MPHOSPH9: variants seen among roughly 807,000 people sequenced by gnomAD.
MPHOSPH9 encodes M-phase phosphoprotein 9.
A neutral mutation model predicts 145.5 loss-of-function variants in MPHOSPH9; 88 were observed. The observed-to-expected ratio is 0.60, with a 90% CI of 0.51 to 0.72. The LOEUF (loss-of-function observed/expected upper bound fraction) is 0.72. MPHOSPH9 is among the 30% of genes least tolerant of loss of function. MPHOSPH9 has a pLI of 0.00. For missense variants in MPHOSPH9, 1,238 were observed against 1,386.6 expected, an observed-to-expected ratio of 0.89 and a Z score of 1.70; for synonymous variants, 435 against 486.2, an observed-to-expected ratio of 0.89 and a Z score of 1.39.
Position 123,193,482 on chromosome 12 carries a change from C to T in MPHOSPH9, c.2241+904G>A, listed in dbSNP as rs530861777. ...TCATGTATTGTAATATCCTGAAAAA[C>T]GATGTTAAGAAAAATTTAGAAGCCA... On this transcript the variant is annotated intron_variant, in intron 13 of 23. Transcript: ENST00000606320. 1.3e-4 allele frequency among the ~76,000 whole-genome samples: 20 copies of T among 151,982 alleles called. No homozygotes were observed. The South Asian group carries it at 1.5e-3, about 11-fold the overall frequency.
chr12:123,189,076 C>A (rs929561769), intron 13 of MPHOSPH9, among the ~76,000 whole-genome samples: 7 of 152,216 alleles, frequency 4.6e-5, no homozygotes, highest in African/African-American at 1.7e-4. Flanking sequence ...GTACAGTTTC[C>A]AAGGCAAGGT....
At chr12:123,174,693 C>T (rs1163014699) in intron 16 of MPHOSPH9, among the ~76,000 whole-genome samples, 1 of 151,938 alleles carries the variant, frequency 6.6e-6, no homozygotes, top group African/African-American at 2.4e-5. Context: ...TTTATCATAC[C>T]ATCCTAAAAC....
chr12:123,164,891 T>G (rs1042568601), intron 18 of MPHOSPH9, among the ~76,000 whole-genome samples: 16 of 151,818 alleles, frequency 1.1e-4, no homozygotes, highest in African/African-American at 3.4e-4. Flanking sequence ...CACCTGTAAT[T>G]CTAGGTACTT....
chr12:123,205,405 G>C (rs1366541342), intron 8 of MPHOSPH9, among the ~76,000 whole-genome samples: 1 of 152,168 alleles, frequency 6.6e-6, no homozygotes, highest in East Asian at 1.9e-4. Flanking sequence ...AATTAGCCGG[G>C]TGTGGTGGTG....
chr12:123,219,800 C>T (rs2047121920), intron 5 of MPHOSPH9, among the ~76,000 whole-genome samples: 1 of 152,102 alleles, frequency 6.6e-6, no homozygotes, highest in Non-Finnish European at 1.5e-5. Flanking sequence ...TTAAGGATTA[C>T]TTGTTTTACA....
intron 3 of MPHOSPH9, 84 bp from the exon 4 acceptor site, chr12:123,223,211 CT>C: frequency 3.7e-6 from 3 of 819,458 alleles, no homozygotes; most frequent in Non-Finnish European, 5.1e-6. Context: ...TAAAAGAGCC[CT>C]TTTTAGGTCA....
At chr12:123,224,110 T>TTTTATATATA (rs1555231852) in intron 3 of MPHOSPH9, among the ~76,000 whole-genome samples, 3 of 120,392 alleles carry the variant, frequency 2.5e-5, no homozygotes, top group Admixed American at 2.0e-4. Flanking sequence ...AATTGCTAAT[T>TTTTATATATA]TATATATATA....
intron 16 of MPHOSPH9, among the ~76,000 whole-genome samples, chr12:123,172,017 C>A (rs112982798): frequency 0.014 from 2,078 of 152,278 alleles, 37 homozygotes; most frequent in South Asian, 0.057. Flanking sequence ...TTTGCATGAA[C>A]CCATAAGAAA....
At chr12:123,178,142 A>G (rs2138066656) in intron 15 of MPHOSPH9, among the ~76,000 whole-genome samples, 2 of 152,262 alleles carry the variant, frequency 1.3e-5, no homozygotes, top group Middle Eastern at 3.4e-3. Flanking sequence ...CCTGTGCTTA[A>G]GAGATGCTCC....
At chr12:123,161,663 C>CA (rs201067689) in intron 21 of MPHOSPH9, among the ~76,000 whole-genome samples, 2,829 of 66,786 alleles carry the variant, frequency 0.042, 167 homozygotes, top group East Asian at 0.28. Context: ...AAACTTAAAG[C>CA]AAAAAAAAAA....
chr12:123,241,624 A>G (rs1379944285), intron 1 of MPHOSPH9, among the ~76,000 whole-genome samples: 3 of 151,906 alleles, frequency 2.0e-5, no homozygotes, highest in Non-Finnish European at 4.4e-5. Flanking sequence ...ACAGGCACGA[A>G]CCACCATGCC....
chr12:123,177,308 T>C (rs912495695), intron 15 of MPHOSPH9, among the ~76,000 whole-genome samples: 1 of 151,958 alleles, frequency 6.6e-6, no homozygotes, highest in Non-Finnish European at 1.5e-5. Context: ...CCGAGGTGGG[T>C]GGACCATCTG....
intron 12 of MPHOSPH9, among the ~76,000 whole-genome samples, chr12:123,196,937 T>G (rs1486485713): frequency 1.3e-5 from 2 of 151,764 alleles, no homozygotes; most frequent in African/African-American, 4.8e-5. Context: ...ATATCAATGT[T>G]CAGAAAAGGC....
intron 13 of MPHOSPH9, among the ~76,000 whole-genome samples, chr12:123,189,716 C>T (rs1319054977): frequency 1.3e-5 from 2 of 151,946 alleles, no homozygotes; most frequent in East Asian, 1.9e-4. Flanking sequence ...GGGCGGATCA[C>T]GAGGTCAGGA....
intron 13 of MPHOSPH9, among the ~76,000 whole-genome samples, chr12:123,181,737 A>G (rs2045158383): frequency 6.6e-6 from 1 of 152,050 alleles, no homozygotes; most frequent in South Asian, 2.1e-4. Flanking sequence ...TCTTAAAAAA[A>G]AATAGCTGAA....
At chr12:123,228,113 C>G (rs2047499231) in intron 2 of MPHOSPH9, among the ~76,000 whole-genome samples, 1 of 152,152 alleles carries the variant, frequency 6.6e-6, no homozygotes, top group South Asian at 2.1e-4. Context: ...AGCAAATCAG[C>G]AGCAAATATT....
At chr12:123,186,487 G>A (rs1036156640) in intron 13 of MPHOSPH9, among the ~76,000 whole-genome samples, 8 of 152,068 alleles carry the variant, frequency 5.3e-5, no homozygotes, top group African/African-American at 1.7e-4. Flanking sequence ...TTGAAACTTT[G>A]AAAGCCATGG....
Position 123,223,110 on chromosome 12 carries a change from T to A in MPHOSPH9, c.276A>T (p.Leu92=), listed in dbSNP as rs2047282744. The A allele has an allele frequency of 6.8e-7, 1 of 1,465,428 alleles. No homozygotes were observed. The highest frequency in any genetic ancestry group is 8.9e-7 in the Non-Finnish European group (1 of 1,117,330). The allele number at this position is 1,465,428 out of a possible 1,614,324, so 90.8% of individuals were successfully genotyped here. ...WKNCETRWLQ[L]FNLVEKQCQE... The stretch of plus-strand genomic sequence containing the variant: ...GGCATTGTTTTTCCACCAAATTGAA[T>A]AGCTGTAACCACCTGGTCTATTAAA... Residue 92 remains leucine, a synonymous_variant, in exon 4 of 24, where the codon CTA becomes CTT. Coordinates refer to ENST00000606320, the MANE Select transcript of MPHOSPH9 (RefSeq NM_022782.4).
At chr12:123,234,545 G>A (rs1186860520), upstream of MPHOSPH9, among the ~76,000 whole-genome samples, 1 of 152,000 alleles carries the variant, frequency 6.6e-6, no homozygotes, top group African/African-American at 2.4e-5. Context: ...ACCGGTGCCC[G>A]CCACCACATC....
Sources: allele counts gnomAD v4.1 joint callset (sites outside exome capture counted in the v4.1 genomes callset), GRCh38; gene constraint gnomAD v4.1.1; transcripts MANE v1.5; gene names NCBI Gene and HGNC (gene_info 2026-07-23, HGNC 2026-07-21).